ACACB: variants seen among roughly 807,000 people sequenced by gnomAD.
ACACB encodes the protein acetyl-CoA carboxylase 2.
In ACACB, 209 loss-of-function variants were observed where a neutral mutation model predicts 278.8. The ratio of observed to expected loss-of-function variants is 0.75; its 90% CI spans 0.67 to 0.84. The LOEUF is 0.84. Among genes scored for constraint, ACACB ranks in the 40% least tolerant of loss-of-function variants. ACACB has a pLI of 0.00. For synonymous variants in ACACB, 1,174 were observed against 1,285.6 expected, an observed-to-expected ratio of 0.91 and a Z score of 1.86; for missense variants, 2,850 against 3,269.0, an observed-to-expected ratio of 0.87 and a Z score of 3.13.
chr12:109,237,573 G>C (rs2046667512), intron 34 of ACACB, among the ~76,000 whole-genome samples, 193 bp downstream of exon 34: 1 of 152,168 alleles, frequency 6.6e-6, no homozygotes, highest in Non-Finnish European at 1.5e-5. Flanking sequence ...GTCCAGGCTG[G>C]TGGCACTTGG....
intron 6 of ACACB, among the ~76,000 whole-genome samples, chr12:109,173,239 A>G (rs183109777): frequency 1.4e-4 from 21 of 152,312 alleles, no homozygotes; most frequent in Admixed American, 7.8e-4. Context: ...TGATGAAATA[A>G]TCTGTACCAC....
chr12:109,163,125 A>G (rs2043788223), intron 2 of ACACB, among the ~76,000 whole-genome samples: 1 of 152,058 alleles, frequency 6.6e-6, no homozygotes, highest in Admixed American at 6.6e-5. Flanking sequence ...GGGTTTCACC[A>G]TGTTGTCCAT....
Position 109,197,160 on chromosome 12 carries a change from G to C in ACACB, c.2627+7G>C, listed in dbSNP as rs1333649095. Reference sequence around the variant, plus strand: ...TGAAGGAAGAGGTTGACAGGTGCGTGGGGGTGCGAGTCCCACTGTGGGCTG... The same window carrying C: ...TGAAGGAAGAGGTTGACAGGTGCGTCGGGGTGCGAGTCCCACTGTGGGCTG... On this transcript the variant is annotated splice_region_variant and intron_variant, in intron 17 of 52. Coordinates refer to ENST00000338432, the MANE Select transcript of ACACB (RefSeq NM_001093.4). 3.1e-6 allele frequency: 5 copies of C among 1,600,184 alleles called. No homozygotes were observed. The Admixed American group carries it at 8.7e-5, about 28-fold the overall frequency.
intron 4 of ACACB, 92 bp downstream of exon 4, chr12:109,168,126 T>TTG: frequency 1.4e-6 from 2 of 1,392,300 alleles, no homozygotes; most frequent in Non-Finnish European, 2.0e-6. Context: ...CATCCTGGAC[T>TTG]CCCGATGGTC....
intron 2 of ACACB, among the ~76,000 whole-genome samples, chr12:109,157,435 C>G (rs915430687): frequency 1.3e-5 from 2 of 152,086 alleles, no homozygotes; most frequent in African/African-American, 2.4e-5. Context: ...CCACACCCAG[C>G]TAATTTTTGT....
chr12:109,238,756 G>T (rs1294218459), intron 34 of ACACB, among the ~76,000 whole-genome samples: 1 of 150,786 alleles, frequency 6.6e-6, no homozygotes, highest in African/African-American at 2.4e-5. Context: ...GTAGAGATGG[G>T]GTTTCTCCAT....
intron 20 of ACACB, 105 bp downstream of exon 20, chr12:109,206,961 G>A (rs1277006820): frequency 6.1e-6 from 8 of 1,313,600 alleles, no homozygotes; most frequent in East Asian, 4.7e-5. Context: ...GAAAATGGTC[G>A]GTCCTCTGTT....
chr12:109,246,126 T>A, intron 38 of ACACB, 53 bp from the exon 39 acceptor site: 1 of 1,546,370 alleles, frequency 6.5e-7, no homozygotes, highest in Non-Finnish European at 8.7e-7. Context: ...AAATAAAAAG[T>A]TTTCCCCCAA....
intron 21 of ACACB, among the ~76,000 whole-genome samples, chr12:109,210,984 G>A (rs1484264061): frequency 2.0e-5 from 3 of 151,780 alleles, no homozygotes; most frequent in African/African-American, 7.3e-5. Flanking sequence ...TTCCAGGGAA[G>A]TAAGAAATAT....
intron 1 of ACACB, among the ~76,000 whole-genome samples, chr12:109,119,003 C>A (rs2042473513): frequency 2.0e-5 from 3 of 152,088 alleles, no homozygotes; most frequent in Non-Finnish European, 4.4e-5. Context: ...CTGGGCACAG[C>A]AGAGAAACCA....
Position 109,258,381 on chromosome 12 carries a change from C to G in ACACB, c.6360+17C>G. The G allele has an allele frequency of 6.2e-7, 1 of 1,601,652 alleles. No homozygotes were observed. The highest frequency in any genetic ancestry group is 8.5e-7 in the Non-Finnish European group (1 of 1,173,530). On this transcript the variant is annotated intron_variant, in intron 46 of 52. Coordinates refer to ENST00000338432, the MANE Select transcript of ACACB (RefSeq NM_001093.4). ...GAGGCCAAGGTGAGGGGGCCGGGAG[C>G]TGTGGCTGCTGGTTTAGCCAGCGGT...
chr12:109,165,641 T>C (rs563404470), intron 2 of ACACB, among the ~76,000 whole-genome samples: 1 of 152,348 alleles, frequency 6.6e-6, no homozygotes, highest in East Asian at 1.9e-4. Context: ...GCAGCTCTCA[T>C]ATGTGAATAA....
chr12:109,251,338 TA>T (rs1336829905), intron 41 of ACACB, among the ~76,000 whole-genome samples: 3 of 152,202 alleles, frequency 2.0e-5, no homozygotes, highest in Non-Finnish European at 4.4e-5. Context: ...CATGTCTGCT[TA>T]ACTACCTACT....
intron 1 of ACACB, among the ~76,000 whole-genome samples, chr12:109,133,196 C>T (rs1378192080): frequency 1.3e-5 from 2 of 152,156 alleles, no homozygotes; most frequent in East Asian, 3.8e-4. Flanking sequence ...CCTCATAATT[C>T]ACAACCATTG....
At chr12:109,200,389 C>T (rs141862456) in intron 18 of ACACB, among the ~76,000 whole-genome samples, 52 of 152,142 alleles carry the variant, frequency 3.4e-4, no homozygotes, top group African/African-American at 1.0e-3. Flanking sequence ...TTTCGTCATG[C>T]TGCTCAAGCT....
rs773052620 is a variant in ACACB at position 109,179,277 on chromosome 12, A to G, written c.1627A>G (p.Ile543Val). 4 of 1,613,728 alleles carry G rather than the reference A, an allele frequency of 2.5e-6. No homozygotes were observed. In the South Asian group the frequency reaches 4.4e-5, roughly 18 times the overall value. The change falls in exon 10 of 53, where the codon ATA becomes GTA. Residue 543 changes from isoleucine (I) to valine (V), a missense_variant. Transcript: ENST00000338432. Reference sequence around the variant, plus strand: ...ACCGGCCACCATCGCCCCGCTGGCCATATTCGAGTTCATGGAGCAGGTACA... The same window carrying G: ...ACCGGCCACCATCGCCCCGCTGGCCGTATTCGAGTTCATGGAGCAGGTACA... Reference protein sequence around the residue: ...EAPATIAPLAIFEFMEQCAIR... With the variant: ...EAPATIAPLAVFEFMEQCAIR...
chr12:109,213,080 G>A, intron 22 of ACACB, 144 bp downstream of exon 22: 1 of 632,262 alleles, frequency 1.6e-6, no homozygotes. Flanking sequence ...ATTACTAACA[G>A]CAGAACCCTG....
rs780956007 is a variant in ACACB at position 109,176,181 on chromosome 12, T to C, written c.1355T>C (p.Met452Thr). ...GCAGAAAGAATTGGTTTTCCATTGA[T>C]GATCAAAGCTTCTGAAGGTGGCGGA... The part of the protein sequence containing the change: ...EAAERIGFPL[M>T]IKASEGGGGK... Residue 452 changes from methionine (M) to threonine (T), a missense_variant, in exon 9 of 53, where the codon ATG becomes ACG. This residue lies in a region of ACACB where 2,265 missense variants were observed against 2,561.3 expected (regional missense o/e 0.88). Transcript: ENST00000338432. 3.7e-6 allele frequency: 6 copies of C among 1,614,204 alleles called. No homozygotes were observed. In the South Asian group the frequency reaches 5.5e-5, roughly 15 times the overall value.
chr12:109,145,956 C>T (rs2043233382), intron 2 of ACACB, among the ~76,000 whole-genome samples: 1 of 152,118 alleles, frequency 6.6e-6, no homozygotes, highest in Non-Finnish European at 1.5e-5. Context: ...TTGCAGTGAG[C>T]CAAGACCACG....
Sources: gnomAD v4.1 joint callset for allele counts (sites outside exome capture counted in the v4.1 genomes callset) on GRCh38, gnomAD v4.1.1 for gene constraint, gnomAD v4.1.1 regional missense constraint, MANE v1.5 for transcripts, NCBI Gene and HGNC (gene_info 2026-07-23, HGNC 2026-07-21) for gene names.